RTF2: variants seen among roughly 807,000 people sequenced by gnomAD.
RTF2 encodes UPF0549 protein C20orf43.
In RTF2, 18 loss-of-function variants were observed where a neutral mutation model predicts 38.0. That is an observed-to-expected ratio of 0.47 (90% CI 0.33 to 0.70). The LOEUF (loss-of-function observed/expected upper bound fraction) is 0.70, where lower values mean the gene tolerates loss of function less well. RTF2 is among the 30% of genes least tolerant of loss of function. The probability of loss-of-function intolerance (pLI) is 0.02; values close to 1 mark genes in which losing one functional copy is unlikely to be tolerated. For synonymous variants in RTF2, 126 were observed against 137.1 expected (o/e 0.92, Z 0.57); for missense variants, 311 against 379.6 (o/e 0.82, Z 1.50).
At chr20:56,485,769 G>C (rs1982765359) in intron 5 of RTF2, among the ~76,000 whole-genome samples, 1 of 152,192 alleles carries the variant, frequency 6.6e-6, no homozygotes, top group Non-Finnish European at 1.5e-5. Flanking sequence ...TTAAGATGAT[G>C]GCATAGATTC....
At chr20:56,492,108 GAT>G (rs895575825) in intron 5 of RTF2, among the ~76,000 whole-genome samples, 66 of 152,204 alleles carry the variant, frequency 4.3e-4, no homozygotes, top group African/African-American at 1.3e-3. Flanking sequence ...TCTCAGTTCC[GAT>G]AGATTCTGAG....
chr20:56,496,911 C>G, intron 5 of RTF2: 1 of 1,551,604 alleles, frequency 6.4e-7, no homozygotes, highest in Non-Finnish European at 8.7e-7. Flanking sequence ...TTGGATTACT[C>G]CAGGAGTAAT....
chr20:56,505,396 G>T (rs1382590095), intron 5 of RTF2, among the ~76,000 whole-genome samples: 2 of 151,882 alleles, frequency 1.3e-5, no homozygotes, highest in East Asian at 3.8e-4. Flanking sequence ...GCTAAGGTGG[G>T]AGGATTGCTC....
chr20:56,484,277 T>C, intron 5 of RTF2, 88 bp downstream of exon 5: 1 of 1,120,326 alleles, frequency 8.9e-7, no homozygotes, highest in Non-Finnish European at 1.4e-6. Flanking sequence ...TTGTTCTTTC[T>C]GAAATCAGCT....
intron 7 of RTF2, 30 bp from the exon 8 acceptor site, chr20:56,517,076 T>G: frequency 6.2e-7 from 1 of 1,612,878 alleles, no homozygotes; most frequent in Non-Finnish European, 8.5e-7. Context: ...TTGCATTGTT[T>G]TTGCTTTGCC....
At chr20:56,502,089 C>T (rs1983962676) in intron 5 of RTF2, among the ~76,000 whole-genome samples, 2 of 152,140 alleles carry the variant, frequency 1.3e-5, no homozygotes, top group Admixed American at 1.3e-4. Flanking sequence ...TAAAAGTTAA[C>T]CATTCAGTTG....
chr20:56,483,844 T>C (rs1453039653), intron 4 of RTF2, among the ~76,000 whole-genome samples: 1 of 152,228 alleles, frequency 6.6e-6, no homozygotes, highest in Non-Finnish European at 1.5e-5. Flanking sequence ...CTGAATCTTA[T>C]ATTTATTGAA....
intron 5 of RTF2, among the ~76,000 whole-genome samples, chr20:56,502,876 A>AG (rs1271421901): frequency 6.6e-6 from 1 of 152,198 alleles, no homozygotes; most frequent in Non-Finnish European, 1.5e-5. Flanking sequence ...TTAGGCTCAC[A>AG]GCCCTAGCAC....
intron 5 of RTF2, chr20:56,497,216 A>C: frequency 3.2e-6 from 5 of 1,551,860 alleles, no homozygotes; most frequent in Non-Finnish European, 4.4e-6. Flanking sequence ...GAGGTACATA[A>C]ATAGCTCTGA....
chr20:56,515,955 C>T (rs1985021538), intron 6 of RTF2: 1 of 152,204 alleles, frequency 6.6e-6, no homozygotes, highest in South Asian at 2.1e-4. Context: ...TCCTTCTTGC[C>T]TGTGCTTTTC....
chr20:56,506,180 C>T (rs555346290), intron 5 of RTF2, among the ~76,000 whole-genome samples: 12 of 152,292 alleles, frequency 7.9e-5, no homozygotes, highest in African/African-American at 2.4e-5. Flanking sequence ...CCAATGTGGG[C>T]AGAACCCTAG....
chr20:56,515,534 T>TGG (rs1984967193), intron 6 of RTF2, among the ~76,000 whole-genome samples: 3 of 151,548 alleles, frequency 2.0e-5, no homozygotes, highest in African/African-American at 7.3e-5. Context: ...ATCGTACCAC[T>TGG]GCACTTCAGC....
chr20:56,510,481 A>G (rs937199886), intron 5 of RTF2, among the ~76,000 whole-genome samples: 2 of 152,234 alleles, frequency 1.3e-5, no homozygotes, highest in African/African-American at 4.8e-5. Flanking sequence ...TAAAAGTTTG[A>G]AGAGACTTCC....
intron 4 of RTF2, among the ~76,000 whole-genome samples, chr20:56,477,932 T>C (rs1982340705): frequency 6.6e-6 from 1 of 152,352 alleles, no homozygotes; most frequent in South Asian, 2.1e-4. Flanking sequence ...GCTGTAGCAC[T>C]GGGAATCTTA....
At position 56,473,957 on chromosome 20, in the gene RTF2, G is replaced by A. The variant is rs575717829; in HGVS notation, c.164+562G>A. Among the ~76,000 whole-genome samples the A allele has an allele frequency of 1.1e-4, 17 of 152,328 alleles. No homozygotes were observed. The South Asian group carries it at 3.5e-3, about 32-fold the overall frequency. On this transcript the variant is annotated intron_variant, in intron 2 of 8. Coordinates refer to ENST00000357348, the MANE Select transcript of RTF2 (RefSeq NM_016407.5). ...ATGTGAGGAACAGGAGAGAATGGCAGGGAATGGAGAATACTGGAGGGTCCA... is the reference window on the plus strand; with the variant it reads ...ATGTGAGGAACAGGAGAGAATGGCAAGGAATGGAGAATACTGGAGGGTCCA...
At position 56,479,281 on chromosome 20, in the gene RTF2, A is replaced by G. The variant is rs1982409812; in HGVS notation, c.398+2157A>G. ...AGCTCTGTTGCCCCGTCTGGAGTGCAGTGGCACAATCTCGGCTCACTGCAA... is the reference window on the plus strand; with the variant it reads ...AGCTCTGTTGCCCCGTCTGGAGTGCGGTGGCACAATCTCGGCTCACTGCAA... On this transcript the variant is annotated intron_variant, in intron 4 of 8. Coordinates refer to ENST00000357348, the MANE Select transcript of RTF2 (RefSeq NM_016407.5). Among the ~76,000 whole-genome samples the G allele has an allele frequency of 2.0e-5, 3 of 152,126 alleles. 1 individual carries two copies. The highest frequency in any genetic ancestry group is 6.5e-5 in the Admixed American group (1 of 15,272).
intron 4 of RTF2, among the ~76,000 whole-genome samples, chr20:56,479,438 T>C (rs1378459527): frequency 6.6e-6 from 1 of 152,128 alleles, no homozygotes; most frequent in Admixed American, 6.5e-5. Flanking sequence ...TTGGCCGGGC[T>C]GGTCTCAAAC....
At chr20:56,472,332 C>T (rs1171264543) in intron 1 of RTF2, 1 of 1,530,678 alleles carries the variant, frequency 6.5e-7, no homozygotes, top group Non-Finnish European at 8.9e-7. Context: ...TCAGATTTGG[C>T]ATTTGAAGAA....
chr20:56,518,749 G>T lies in RTF2; in HGVS notation c.*484G>T, dbSNP rs1299957571. 6.5e-6 allele frequency: 1 copy of T among 152,736 alleles called. No individual in the cohort carries two copies. Among genetic ancestry groups the T allele is most frequent in the African/African-American group, 2.4e-5 (1 of 41,462 alleles). 9.5% of individuals were successfully genotyped at this position (152,736 alleles called of 1,614,324 possible). On this transcript the variant is annotated 3_prime_UTR_variant, in exon 9 of 9. Coordinates refer to ENST00000357348, the MANE Select transcript of RTF2 (RefSeq NM_016407.5). ...CCTCGTCCCTCTGCTACAGCCCTGG[G>T]AGGAGCCAGGATCCTTGTTGGTCTA...
Sources: allele counts gnomAD v4.1 joint callset (sites outside exome capture counted in the v4.1 genomes callset), GRCh38; gene constraint gnomAD v4.1.1; transcripts MANE v1.5; gene names NCBI Gene and HGNC (gene_info 2026-07-23, HGNC 2026-07-21).